ABLIM2: variants seen among roughly 807,000 people sequenced by gnomAD.
ABLIM2 encodes actin binding LIM protein family member 2.
Under a neutral mutation model 97.7 loss-of-function variants are expected in ABLIM2, and 53 were observed. That is an observed-to-expected ratio of 0.54 (90% CI 0.44 to 0.68). ABLIM2 has a LOEUF of 0.68. ABLIM2 is among the 30% of genes least tolerant of loss of function. The pLI, the probability that ABLIM2 is intolerant of heterozygous loss-of-function variation, is 0.00. For synonymous variants in ABLIM2, 361 were observed against 345.8 expected, an observed-to-expected ratio of 1.04 and a Z score of -0.49; for missense variants, 835 against 867.2, an observed-to-expected ratio of 0.96 and a Z score of 0.47.
At chr4:8,104,546 C>A (rs942586811) in intron 2 of ABLIM2, among the ~76,000 whole-genome samples, 1 of 152,212 alleles carries the variant, frequency 6.6e-6, no homozygotes, top group Non-Finnish European at 1.5e-5. Flanking sequence ...TAGTCACCCA[C>A]GTCCTTGGAC....
intron 6 of ABLIM2, among the ~76,000 whole-genome samples, chr4:8,066,360 GGGAAGGAAGGAAGGAA>G (rs766354971): frequency 0.057 from 2,930 of 51,162 alleles, 146 homozygotes; most frequent in East Asian, 0.19. Context: ...GAGGGAGGGA[GGGAAGGAAGGAAGGAA>G]GGAAGGAAGG....
At chr4:8,024,489 C>A (rs1395995919) in intron 12 of ABLIM2, among the ~76,000 whole-genome samples, 1 of 152,154 alleles carries the variant, frequency 6.6e-6, no homozygotes, top group African/African-American at 2.4e-5. Flanking sequence ...CTGAGAGGGG[C>A]CAGAGACGCC....
chr4:8,094,450 A>G (rs1218168438), intron 3 of ABLIM2, among the ~76,000 whole-genome samples: 1 of 152,080 alleles, frequency 6.6e-6, no homozygotes, highest in African/African-American at 2.4e-5. Flanking sequence ...AGGGCTCACA[A>G]CTCTAAGGGG....
intron 8 of ABLIM2, among the ~76,000 whole-genome samples, chr4:8,047,125 G>A (rs1393490340): frequency 6.6e-6 from 1 of 152,188 alleles, no homozygotes; most frequent in Non-Finnish European, 1.5e-5. Context: ...CCGGATGTGG[G>A]GCCACGTGCA....
intron 1 of ABLIM2, among the ~76,000 whole-genome samples, chr4:8,135,241 C>T (rs1462765652): frequency 6.6e-6 from 1 of 152,196 alleles, no homozygotes; most frequent in East Asian, 1.9e-4. Flanking sequence ...TGGGTCGGAT[C>T]CTGGAGGAGA....
intron 14 of ABLIM2, among the ~76,000 whole-genome samples, chr4:8,017,991 CAAAA>C (rs57785994): frequency 1.0e-3 from 83 of 81,034 alleles, no homozygotes; most frequent in African/African-American, 2.9e-3. Context: ...GACTCCGTCT[CAAAA>C]AAAAAAAAAA....
In ABLIM2 at chr4:7,986,891, G is replaced by A. The variant is rs538193241; in HGVS notation, c.1681-1998C>T. ...TTCACATGTTGGCTAAGCTGGTCTC[G>A]AACTCCTGACCTCAGGTGATCCACC... On this transcript the variant is annotated intron_variant, in intron 17 of 20. Transcript: ENST00000447017. The surrounding 1 kb of genome is among the most constrained non-coding windows in gnomAD (Gnocchi z 4.3). Among the ~76,000 whole-genome samples, 10 of 152,268 alleles carry A rather than the reference G, an allele frequency of 6.6e-5. No homozygotes were observed. The highest frequency in any genetic ancestry group is 1.9e-4 in the African/African-American group (8 of 41,550).
Position 8,106,762 on chromosome 4 carries a change from C to T in ABLIM2, c.11-125G>A, listed in dbSNP as rs140308824. ...GGGCCCCGCACCCACCAGCACGAGC[C>T]GCACGGGGCATCGGGGTCGGTCTGT... On this transcript the variant is annotated intron_variant, in intron 1 of 20. Coordinates refer to ENST00000447017, the MANE Select transcript of ABLIM2 (RefSeq NM_001130083.2). 975 of 1,198,014 alleles carry T rather than the reference C, an allele frequency of 8.1e-4. 3 individuals are homozygous for T. Among genetic ancestry groups the T allele is most frequent in the Non-Finnish European group, 1.0e-3 (912 of 880,188 alleles). 74.2% of individuals were successfully genotyped at this position (1,198,014 alleles called of 1,614,324 possible). A position where few individuals can be genotyped will look rare whatever the true frequency, so the allele number is the denominator to read the frequency against.
rs887037817 is a variant in ABLIM2, at chr4:8,150,471, T to A, written c.10+8209A>T. 1.3e-5 allele frequency among the ~76,000 whole-genome samples: 2 copies of A among 152,336 alleles called. No homozygotes were observed. Among genetic ancestry groups the A allele is most frequent in the African/African-American group, 4.8e-5 (2 of 41,582 alleles). ...GACGCCAGCGAGGACAGAGGCAGCATGCTAGCCGCAGTGACACTGAGCACT... is the reference window on the plus strand; with the variant it reads ...GACGCCAGCGAGGACAGAGGCAGCAAGCTAGCCGCAGTGACACTGAGCACT... On this transcript the variant is annotated intron_variant, in intron 1 of 20. Coordinates refer to ENST00000447017, the MANE Select transcript of ABLIM2 (RefSeq NM_001130083.2). The surrounding 1 kb of genome is among the most constrained non-coding windows in gnomAD (Gnocchi z 6.3).
rs958066294 is a variant in ABLIM2 at position 7,999,945 on chromosome 4, G to A, written c.1619-7018C>T. 3.3e-5 allele frequency among the ~76,000 whole-genome samples: 5 copies of A among 152,310 alleles called. No homozygotes were observed. The highest frequency in any genetic ancestry group is 2.1e-4 in the South Asian group (1 of 4,820). On this transcript the variant is annotated intron_variant, in intron 16 of 20. Coordinates refer to ENST00000447017, the MANE Select transcript of ABLIM2 (RefSeq NM_001130083.2). This position sits in a 1 kb window ranked among gnomAD's most constrained non-coding sequence, Gnocchi z 4.4. ...TGGCTCATCAGAGGTCAAAGTCACC[G>A]CTGGACATTCAAGGCCGGGCACCTT...
rs2152505705 is a variant in ABLIM2 at position 8,087,304 on chromosome 4, G to A, written c.454+865C>T. 6.6e-6 allele frequency among the ~76,000 whole-genome samples: 1 copy of A among 152,276 alleles called. No homozygotes were observed. Among genetic ancestry groups the A allele is most frequent in the South Asian group, 2.1e-4 (1 of 4,828 alleles). On this transcript the variant is annotated intron_variant, in intron 4 of 20. Transcript: ENST00000447017. This position sits in a 1 kb window ranked among gnomAD's most constrained non-coding sequence, Gnocchi z 4.6. ...GATCCGGCAGAGCCACCCCAGCTGG[G>A]AAAGGCCACCTGGCTGCCCACTCCT...
intron 16 of ABLIM2, among the ~76,000 whole-genome samples, chr4:7,997,951 G>A (rs571778610): frequency 1.3e-5 from 2 of 150,818 alleles, no homozygotes; most frequent in Non-Finnish European, 2.9e-5. Flanking sequence ...GCACCATCTC[G>A]GCTCACCACA....
At chr4:8,030,651 C>T (rs1780367008) in intron 10 of ABLIM2, among the ~76,000 whole-genome samples, 2 of 152,180 alleles carry the variant, frequency 1.3e-5, no homozygotes, top group South Asian at 4.1e-4. Flanking sequence ...CACCCTGCTC[C>T]CTTTGGCGAC....
rs906516011 is a variant in ABLIM2 at position 8,004,662 on chromosome 4, G to A, written c.1618+3397C>T. Among the ~76,000 whole-genome samples the A allele has an allele frequency of 2.0e-5, 3 of 152,262 alleles. No individual in the cohort carries two copies. Among genetic ancestry groups the A allele is most frequent in the African/African-American group, 2.4e-5 (1 of 41,552 alleles). ...CAGCAGGCCCTACTGCCGGGGACAC[G>A]GAGTCCACACCACCTTGTGTTCCTC... On this transcript the variant is annotated intron_variant, in intron 16 of 20. Transcript: ENST00000447017. The surrounding 1 kb of genome is among the most constrained non-coding windows in gnomAD (Gnocchi z 5.9).
At chr4:7,972,748 G>T (rs536649604) in intron 20 of ABLIM2, among the ~76,000 whole-genome samples, 1 of 152,212 alleles carries the variant, frequency 6.6e-6, no homozygotes, top group African/African-American at 2.4e-5. Context: ...CTTTCTCCCA[G>T]CCACACAGTT....
rs1758683243 is a variant in ABLIM2 at position 8,003,505 on chromosome 4, T to C, written c.1618+4554A>G. Among the ~76,000 whole-genome samples, 1 of 151,924 alleles carries C rather than the reference T, an allele frequency of 6.6e-6. No homozygotes were observed. The highest frequency in any genetic ancestry group is 1.5e-5 in the Non-Finnish European group (1 of 68,008). On this transcript the variant is annotated intron_variant, in intron 16 of 20. Coordinates refer to ENST00000447017, the MANE Select transcript of ABLIM2 (RefSeq NM_001130083.2). This position sits in a 1 kb window ranked among gnomAD's most constrained non-coding sequence, Gnocchi z 4.2. ...AGAAGTTGGGGACTGCCTGAATCTG[T>C]TGACTGGCAGCTCCCACCCACTGTC... is the stretch of plus-strand genomic sequence containing the variant.
intron 14 of ABLIM2, among the ~76,000 whole-genome samples, chr4:8,009,554 C>T (rs1463994051): frequency 6.6e-6 from 1 of 152,074 alleles, no homozygotes; most frequent in Admixed American, 6.5e-5. Flanking sequence ...CATCACCATG[C>T]CTGGGTAAGT....
Position 8,077,705 on chromosome 4 carries a change from A to G in ABLIM2, c.598T>C (p.Cys200Arg). Residue 200 changes from cysteine (C) to arginine (R), a missense_variant, in exon 6 of 21, where the codon TGC becomes CGC. Physicochemically the swap from Cys to Arg is radical, Grantham distance 180. Transcript: ENST00000447017. ...EYISKDGLPYCEADYHAKFGI... is the reference protein window; with the variant it reads ...EYISKDGLPYREADYHAKFGI... The stretch of plus-strand genomic sequence containing the variant: ...AACTTGGCGTGATAGTCAGCTTCGC[A>G]GTAGGGCAGCCCATCCCTGCAATGA... The G allele has an allele frequency of 1.2e-6, 2 of 1,612,490 alleles. No individual in the cohort carries two copies. The highest frequency in any genetic ancestry group is 1.7e-6 in the Non-Finnish European group (2 of 1,179,208).
Position 8,133,985 on chromosome 4 carries a change from CA to C in ABLIM2, c.10+24694del, listed in dbSNP as rs142882619. 7.5e-3 allele frequency among the ~76,000 whole-genome samples: 1,140 copies of C among 152,064 alleles called. 18 individuals are homozygous for C. The highest frequency in any genetic ancestry group is 0.025 in the African/African-American group (1,033 of 41,450). On this transcript the variant is annotated intron_variant, in intron 1 of 20. Coordinates refer to ENST00000447017, the MANE Select transcript of ABLIM2 (RefSeq NM_001130083.2). ...CGTCATGCATGAAGCTGGCAGGTTG[CA>C]GGGGGGGGTGACGAACAGTGAACAG...
Sources: gnomAD v4.1 joint callset for allele counts (sites outside exome capture counted in the v4.1 genomes callset) on GRCh38, gnomAD v4.1.1 for gene constraint, Gnocchi (gnomAD v3.1) non-coding constraint, MANE v1.5 for transcripts, NCBI Gene and HGNC (gene_info 2026-07-23, HGNC 2026-07-21) for gene names.